The following DENND1B variants were observed in gnomAD, a reference collection of about 807,000 sequenced individuals.
The protein encoded by DENND1B is DENN domain containing 1B.
A neutral mutation model predicts 90.1 loss-of-function variants in DENND1B; 59 were observed. That is an observed-to-expected ratio of 0.65 (90% CI 0.53 to 0.81). DENND1B has a LOEUF of 0.81. Ranked by LOEUF, DENND1B falls within the 40% of genes least tolerant of loss-of-function variation. DENND1B has a pLI of 0.00. For synonymous variants in DENND1B, 337 were observed against 324.6 expected, an observed-to-expected ratio of 1.04 and a Z score of -0.41; for missense variants, 862 against 912.6, an observed-to-expected ratio of 0.94 and a Z score of 0.71.
In DENND1B at chr1:197,718,391, TA is replaced by T. The variant is rs10639382; in HGVS notation, c.83-3318del. Among the ~76,000 whole-genome samples the T allele has an allele frequency of 2.3e-3, 326 of 143,234 alleles. 8 individuals are homozygous for T. In the East Asian group the frequency reaches 0.049, roughly 22 times the overall value. 94.0% of individuals were successfully genotyped at this position (143,234 alleles called of 152,430 possible). ...TTGAAAATTCACTGGCTTAAAAATG[TA>T]AAAAAAAAAAAAAAGTTCCTAATGA... On this transcript the variant is annotated intron_variant, in intron 2 of 22. Coordinates refer to ENST00000620048, the MANE Select transcript of DENND1B (RefSeq NM_001195215.2).
At chr1:197,735,320 G>T in intron 2 of DENND1B, 1 of 1,262,812 alleles carries the variant, frequency 7.9e-7, no homozygotes, top group Non-Finnish European at 1.0e-6. Context: ...GCTTCAAGTG[G>T]TTTTATTTCC....
chr1:197,511,356 T>C (rs1277524497), intron 22 of DENND1B, among the ~76,000 whole-genome samples: 2 of 151,780 alleles, frequency 1.3e-5, no homozygotes, highest in African/African-American at 2.4e-5. Flanking sequence ...AGAAAAATGA[T>C]TTGAATGAAT....
At chr1:197,537,230 G>GAT (rs1669979649) in intron 20 of DENND1B, among the ~76,000 whole-genome samples, 1 of 152,062 alleles carries the variant, frequency 6.6e-6, no homozygotes. Flanking sequence ...TTCTAAACAT[G>GAT]TATGTTTAAT....
intron 10 of DENND1B, among the ~76,000 whole-genome samples, chr1:197,634,590 T>G (rs1679609547): frequency 6.6e-6 from 1 of 152,188 alleles, no homozygotes; most frequent in Non-Finnish European, 1.5e-5. Context: ...TATTAATACA[T>G]TTTTCCCTAA....
intron 11 of DENND1B, among the ~76,000 whole-genome samples, chr1:197,613,334 G>A (rs543936372): frequency 1.9e-4 from 29 of 150,820 alleles, no homozygotes; most frequent in African/African-American, 6.5e-4. Flanking sequence ...TTTACTCCTC[G>A]TTAGCCTGTA....
At position 197,511,720 on chromosome 1, in the gene DENND1B, C is replaced by A. The variant is rs1276699298; in HGVS notation, c.1815+8G>T. On this transcript the variant is annotated splice_region_variant and intron_variant, in intron 22 of 22. Transcript: ENST00000620048. Reference sequence around the variant, plus strand: ...TCTAATTTTATAAGTAAAAAAAAATCTACTAACCGTAGGTTTGTAATCAAT... The same window carrying A: ...TCTAATTTTATAAGTAAAAAAAAATATACTAACCGTAGGTTTGTAATCAAT... 6.4e-7 allele frequency: 1 copy of A among 1,567,344 alleles called. No homozygotes were observed.
chr1:197,599,488 C>A (rs895670267), intron 13 of DENND1B, among the ~76,000 whole-genome samples: 1 of 151,778 alleles, frequency 6.6e-6, no homozygotes, highest in African/African-American at 2.4e-5. Flanking sequence ...TATTTCCTTT[C>A]ATATAACTAA....
At chr1:197,753,829 C>T (rs1373028470) in intron 2 of DENND1B, among the ~76,000 whole-genome samples, 5 of 151,824 alleles carry the variant, frequency 3.3e-5, no homozygotes, top group Non-Finnish European at 4.4e-5. Context: ...GGTGAAATCC[C>T]GTCTCTACTA....
chr1:197,760,701 T>C (rs1474920759), intron 2 of DENND1B, among the ~76,000 whole-genome samples: 3 of 151,568 alleles, frequency 2.0e-5, no homozygotes, highest in African/African-American at 7.3e-5. Context: ...GAGTAAATTA[T>C]TAGTCAATGG....
At chr1:197,702,402 C>T (rs1015707345) in intron 3 of DENND1B, among the ~76,000 whole-genome samples, 1 of 152,084 alleles carries the variant, frequency 6.6e-6, no homozygotes, top group Non-Finnish European at 1.5e-5. Flanking sequence ...GCAACTATGA[C>T]ACGTTAAGGT....
chr1:197,775,082 C>G, intron 1 of DENND1B, 57 bp downstream of exon 1: 1 of 1,181,890 alleles, frequency 8.5e-7, no homozygotes, highest in Non-Finnish European at 1.1e-6. Flanking sequence ...CCGAGCTGGC[C>G]TGGGAGGGGC....
At chr1:197,616,600 G>A (rs928882881) in intron 11 of DENND1B, among the ~76,000 whole-genome samples, 1 of 151,066 alleles carries the variant, frequency 6.6e-6, no homozygotes, top group Non-Finnish European at 1.5e-5. Flanking sequence ...CCAAGTACAT[G>A]TGTTGTCACT....
In DENND1B at chr1:197,554,100, TACACACACACACACACAC is replaced by T. The variant is rs4026509; in HGVS notation, c.1150-1006_1150-989del. ...AACCCAAGGTGAAAATCAATGATTATACACACACACACACACACACACACACACACACACACACACACA... is the reference window on the plus strand; with the variant it reads ...AACCCAAGGTGAAAATCAATGATTATACACACACACACACACACACACACA... On this transcript the variant is annotated intron_variant, in intron 15 of 22. Transcript: ENST00000620048. Among the ~76,000 whole-genome samples the T allele has an allele frequency of 4.7e-4, 66 of 140,076 alleles. 2 individuals are homozygous for T. Among genetic ancestry groups the T allele is most frequent in the Middle Eastern group, 3.6e-3 (1 of 274 alleles). The allele number at this position is 140,076 out of a possible 152,430, so 91.9% of individuals were successfully genotyped here.
At chr1:197,614,124 T>C (rs1677427821) in intron 11 of DENND1B, among the ~76,000 whole-genome samples, 1 of 150,218 alleles carries the variant, frequency 6.7e-6, no homozygotes, top group Non-Finnish European at 1.5e-5. Context: ...TTCAGAAGTA[T>C]AAAAAACACA....
intron 3 of DENND1B, among the ~76,000 whole-genome samples, chr1:197,706,640 A>G (rs964487533): frequency 6.6e-6 from 1 of 152,198 alleles, no homozygotes; most frequent in African/African-American, 2.4e-5. Flanking sequence ...TCTCTCAAGA[A>G]AAGACATAAA....
At chr1:197,746,102 A>G (rs1474583815) in intron 2 of DENND1B, among the ~76,000 whole-genome samples, 1 of 152,234 alleles carries the variant, frequency 6.6e-6, no homozygotes, top group Non-Finnish European at 1.5e-5. Context: ...TACAGATAAG[A>G]AAGTACAAGG....
chr1:197,631,801 C>A (rs973675389), intron 10 of DENND1B, among the ~76,000 whole-genome samples: 6 of 151,814 alleles, frequency 4.0e-5, no homozygotes, highest in African/African-American at 1.5e-4. Flanking sequence ...ATTTAGCATG[C>A]ATATCATATA....
intron 3 of DENND1B, among the ~76,000 whole-genome samples, chr1:197,697,043 A>G (rs1169330763): frequency 1.3e-5 from 2 of 151,182 alleles, no homozygotes; most frequent in Non-Finnish European, 3.0e-5. Context: ...TGGACCACAC[A>G]AAAGAAGAAA....
At chr1:197,646,528 T>C (rs1398210982) in intron 8 of DENND1B, among the ~76,000 whole-genome samples, 2 of 151,994 alleles carry the variant, frequency 1.3e-5, no homozygotes, top group African/African-American at 4.8e-5. Context: ...TCTGTTCATA[T>C]TAATCTCCAA....
Sources: allele counts gnomAD v4.1 joint callset (sites outside exome capture counted in the v4.1 genomes callset), GRCh38; gene constraint gnomAD v4.1.1; transcripts MANE v1.5; gene names NCBI Gene and HGNC (gene_info 2026-07-23, HGNC 2026-07-21).